NACA: variants seen among roughly 807,000 people sequenced by gnomAD.
NACA encodes nascent polypeptide-associated complex subunit alpha.
A neutral mutation model predicts 86.4 loss-of-function variants in NACA; 42 were observed. The observed-to-expected ratio is 0.49, with a 90% confidence interval of 0.38 to 0.63. NACA has a LOEUF of 0.63. Among genes scored for constraint, NACA ranks in the 20% least tolerant of loss-of-function variants. The pLI is 0.00. For synonymous variants in NACA, 898 were observed against 973.7 expected (o/e 0.92, Z 1.45); for missense variants, 2,157 against 2,483.6 (o/e 0.87, Z 2.80).
Position 56,719,363 on chromosome 12 carries a change from T to C in NACA, c.2167A>G (p.Thr723Ala). The change falls in exon 3 of 9, where the codon ACC becomes GCC. Residue 723 changes from threonine to alanine, a missense_variant. By Grantham distance (58) the Thr-to-Ala change is moderately conservative (BLOSUM62 0). Transcript: ENST00000454682. The stretch of plus-strand genomic sequence containing the variant: ...GGGATTTCAGGGGCCAGCACTAAGG[T>C]AGCCAGAGGAGCACAGGTATTCTGG... Reference protein sequence around the residue: ...SPQNTCAPLATLVLAPEIPKS... With the variant: ...SPQNTCAPLAALVLAPEIPKS... 2 of 1,609,964 alleles carry C rather than the reference T, an allele frequency of 1.2e-6. No individual in the cohort carries two copies. Among genetic ancestry groups the C allele is most frequent in the Non-Finnish European group, 1.7e-6 (2 of 1,178,052 alleles).
intron 7 of NACA, 31 bp downstream of exon 7, chr12:56,713,031 G>A: frequency 6.2e-7 from 1 of 1,613,346 alleles, no homozygotes; most frequent in Non-Finnish European, 8.5e-7. Flanking sequence ...TATACGGCGA[G>A]AGTTAAATTA....
intron 7 of NACA, 25 bp downstream of exon 7, chr12:56,713,037 A>C: frequency 6.2e-7 from 1 of 1,613,688 alleles, no homozygotes; most frequent in Non-Finnish European, 8.5e-7. Context: ...GCGAGAGTTA[A>C]ATTATGAAAG....
chr12:56,724,636 G>A lies in NACA; in HGVS notation c.-2-113C>T, dbSNP rs970401017. On this transcript the variant is annotated intron_variant, in intron 1 of 8. Coordinates refer to ENST00000454682, the MANE Select transcript of NACA (RefSeq NM_001365896.1). ...AGGAGGGCTGTTAGAAAAAAATCGT[G>A]AGGGTGTTTGGTGACAACCTTCCCC... 4 of 1,183,902 alleles carry A rather than the reference G, an allele frequency of 3.4e-6. No individual in the cohort carries two copies. In the African/African-American group the frequency reaches 6.2e-5, roughly 18 times the overall value. 73.3% of individuals were successfully genotyped at this position (1,183,902 alleles called of 1,614,324 possible). A position where few individuals can be genotyped will look rare whatever the true frequency, so the allele number is the denominator to read the frequency against.
Position 56,719,502 on chromosome 12 carries a change from A to G in NACA, c.2028T>C (p.Phe676=). Residue 676 remains phenylalanine (F), a synonymous_variant, in exon 3 of 9, where the codon TTT becomes TTC. Coordinates refer to ENST00000454682, the MANE Select transcript of NACA (RefSeq NM_001365896.1). Reference sequence around the variant, plus strand: ...GAGCTAAAGAGACAGTTCCTTCTAGAAAAGGGCTGGCTGTAGTTGTATAAG... The same window carrying G: ...GAGCTAAAGAGACAGTTCCTTCTAGGAAAGGGCTGGCTGTAGTTGTATAAG... ...TSTYTTTASP[F]LEGTVSLAPK... is the part of the protein sequence containing the mutation. The G allele has an allele frequency of 2.5e-6, 4 of 1,613,940 alleles. No individual in the cohort carries two copies. The South Asian group carries it at 3.3e-5, about 13-fold the overall frequency.
Position 56,717,312 on chromosome 12 carries a change from T to C in NACA, c.4218A>G (p.Ala1406=). 7.5e-7 allele frequency: 1 copy of C among 1,340,440 alleles called. No individual in the cohort carries two copies. Among genetic ancestry groups the C allele is most frequent in the South Asian group, 1.4e-5 (1 of 73,334 alleles). 83.0% of individuals were successfully genotyped at this position (1,340,440 alleles called of 1,614,324 possible). ...PSPKGDPTSP[A]VIPLSPKKAP... is the part of the protein sequence containing the mutation. ...CCTTTTTGGGGGAGAGAGGAATCAC[T>C]GCTGGGGAAGTGGGGTCCCCTTTGG... The change falls in exon 3 of 9, where the codon GCA becomes GCG. Residue 1406 remains alanine, a synonymous_variant. Coordinates refer to ENST00000454682, the MANE Select transcript of NACA (RefSeq NM_001365896.1).
rs992579673 is a variant in NACA at position 56,716,789 on chromosome 12, T to C, written c.4741A>G (p.Ser1581Gly). The C allele has an allele frequency of 3.2e-6, 4 of 1,244,888 alleles. No homozygotes were observed. The African/African-American group carries it at 7.5e-5, about 23-fold the overall frequency. The allele number at this position is 1,244,888 out of a possible 1,614,324, so 77.1% of individuals were successfully genotyped here. ...GTGGAAGGAGTCACTGCTGGGGGAC[T>C]GGAGGCCTCTTTGGAGGATGGGGTA... is the stretch of plus-strand genomic sequence containing the variant. ...PATPSSKEAS[S>G]PPAVTPSTYK... is the part of the protein sequence containing the mutation. The change falls in exon 3 of 9, where the codon AGT (serine) becomes GGT (glycine). Residue 1581 changes from serine to glycine, a missense_variant. Physicochemically the swap from Ser to Gly is moderately conservative, Grantham distance 56. This residue lies in a region of NACA where 797 missense variants were observed against 777.6 expected (regional missense o/e 1.02). Coordinates refer to ENST00000454682, the MANE Select transcript of NACA (RefSeq NM_001365896.1).
At chr12:56,714,824 T>G in intron 3 of NACA, 137 bp from the exon 4 acceptor site, 2 of 764,088 alleles carry the variant, frequency 2.6e-6, no homozygotes, top group Non-Finnish European at 2.2e-6. Context: ...CTGGCTTGTG[T>G]GAAGTCAGCT....
intron 6 of NACA, 64 bp downstream of exon 6, chr12:56,713,473 A>G (rs1953269651): frequency 6.4e-7 from 1 of 1,562,702 alleles, no homozygotes; most frequent in Non-Finnish European, 8.7e-7. Context: ...CTGACGCAAA[A>G]TGTCAGCAGT....
intron 6 of NACA, 158 bp downstream of exon 6, chr12:56,713,379 G>T (rs1301785293): frequency 8.3e-7 from 1 of 1,210,136 alleles, no homozygotes; most frequent in Non-Finnish European, 1.1e-6. Context: ...GGGTAGTTAG[G>T]TCTCCCAGGA....
chr12:56,719,837 C>T lies in NACA; in HGVS notation c.1693G>A (p.Ala565Thr). 1.9e-6 allele frequency: 3 copies of T among 1,613,396 alleles called. No individual in the cohort carries two copies. In the South Asian group the frequency reaches 3.3e-5, roughly 18 times the overall value. Residue 565 changes from alanine to threonine, a missense_variant, in exon 3 of 9, where the codon GCA becomes ACA. Transcript: ENST00000454682. ...AAAGAAGGGGAATTTTTAGGGGCTGCCTGGACTAACGGTAATACAGTAGGG... is the reference window on the plus strand; with the variant it reads ...AAAGAAGGGGAATTTTTAGGGGCTGTCTGGACTAACGGTAATACAGTAGGG... ...KDPTVLPLVQ[A>T]APKNSPSFQS...
chr12:56,715,220 T>G (rs1953319236), intron 3 of NACA, among the ~76,000 whole-genome samples: 1 of 152,174 alleles, frequency 6.6e-6, no homozygotes, highest in Non-Finnish European at 1.5e-5. Context: ...ACCCCAGCAA[T>G]GTGATCTAAT....
At chr12:56,712,931 C>T (rs1446662813) in intron 7 of NACA, 23 bp from the exon 8 acceptor site, 1 of 1,613,864 alleles carries the variant, frequency 6.2e-7, no homozygotes, top group Non-Finnish European at 8.5e-7. Flanking sequence ...AGGGAAAAAG[C>T]AGTAAATTAA....
In NACA at chr12:56,721,388, GA is replaced by G. The variant is rs755984362; in HGVS notation, c.141del (p.Pro48LeufsTer31). ...ALGQPGPTLP[P>X]PCSPAPQQCP... The stretch of plus-strand genomic sequence containing the variant: ...CACTGTTGTGGGGCAGGAGAGCAAG[GA>G]GGGGGGAGGGTAGGTCCAGGCTGCC... On this transcript the variant is annotated frameshift_variant, in exon 3 of 9. Transcript: ENST00000454682. LOFTEE classifies it high-confidence loss of function. The G allele has an allele frequency of 6.4e-7, 1 of 1,574,208 alleles. No homozygotes were observed. The highest frequency in any genetic ancestry group is 1.2e-5 in the South Asian group (1 of 85,508).
rs1953567516 is a variant in NACA, at chr12:56,721,250, C to G, written c.280G>C (p.Gly94Arg). The change falls in exon 3 of 9, where the codon GGA (glycine) becomes CGA (arginine). Residue 94 changes from glycine to arginine, a missense_variant. Coordinates refer to ENST00000454682, the MANE Select transcript of NACA (RefSeq NM_001365896.1). ...AAGGTTGGGGCTTCAGGGGCAGTTC[C>G]CAAAGGTAGGGCTGTTCCAGAGGAT... ...QSSSGTALPL[G>R]TAPEAPTFLP... The G allele has an allele frequency of 6.2e-7, 1 of 1,613,512 alleles. No individual in the cohort carries two copies. Among genetic ancestry groups the G allele is most frequent in the South Asian group, 1.1e-5 (1 of 91,048 alleles).
Position 56,719,637 on chromosome 12 carries a change from A to G in NACA, c.1893T>C (p.Ser631=), listed in dbSNP as rs1953514167. Residue 631 remains serine, a synonymous_variant, in exon 3 of 9, where the codon TCT becomes TCC. Transcript: ENST00000454682. ...GAGAACTTTTGAGAAGCGGACCAGC[A>G]GAGTCTGGGCCTGCATAAGAATCTG... ...IKTDSYAGPD[S]AGPLLKSSLI... 1.9e-5 allele frequency: 30 copies of G among 1,613,770 alleles called. No homozygotes were observed. Among genetic ancestry groups the G allele is most frequent in the Non-Finnish European group, 2.3e-5 (27 of 1,179,810 alleles).
Position 56,720,594 on chromosome 12 carries a change from T to G in NACA, c.936A>C (p.Leu312Phe). 2 of 1,613,902 alleles carry G rather than the reference T, an allele frequency of 1.2e-6. No homozygotes were observed. The highest frequency in any genetic ancestry group is 1.7e-6 in the Non-Finnish European group (2 of 1,179,880). The change falls in exon 3 of 9, where the codon TTA becomes TTC. Residue 312 changes from leucine to phenylalanine, a missense_variant. Leu to Phe is a conservative substitution (Grantham distance 22). Around this residue, in one of 8 missense-constraint regions of NACA, gnomAD observed 947 missense variants for 917.9 expected, o/e 1.03. Coordinates refer to ENST00000454682, the MANE Select transcript of NACA (RefSeq NM_001365896.1). ...GGACAGAACCAAAAGAACTCTGATG[T>G]AAAGGTGCAAGATGAGAGCCCAGAG... ...PISLGSHLAP[L>F]HQSSFGSVQL...
intron 2 of NACA, among the ~76,000 whole-genome samples, chr12:56,721,999 A>G (rs934792258): frequency 2.6e-5 from 4 of 152,238 alleles, no homozygotes; most frequent in Non-Finnish European, 4.4e-5. Flanking sequence ...TCTGAACTGA[A>G]TAAGAAAACA....
At position 56,717,212 on chromosome 12, in the gene NACA, G is replaced by C. The variant is rs375605609; in HGVS notation, c.4318C>G (p.Pro1440Ala). The C allele has an allele frequency of 4.3e-5, 56 of 1,303,224 alleles. No individual in the cohort carries two copies. In the East Asian group the frequency reaches 8.1e-4, roughly 19 times the overall value. 80.7% of individuals were successfully genotyped at this position (1,303,224 alleles called of 1,614,324 possible). A position where few individuals can be genotyped will look rare whatever the true frequency, so the allele number is the denominator to read the frequency against. ...GCTGGGGCCTTTTTGAGGGAGACAG[G>C]AGTCACTGCTGGGGGAGTGAGATCT... is the stretch of plus-strand genomic sequence containing the variant. ...KGDLTPPAVT[P>A]VSLKKAPATS... is the part of the protein sequence containing the mutation. Residue 1440 changes from proline to alanine, a missense_variant, in exon 3 of 9, where the codon CCT becomes GCT. Around this residue, in one of 8 missense-constraint regions of NACA, gnomAD observed 797 missense variants for 777.6 expected, o/e 1.02. Transcript: ENST00000454682.
At position 56,717,479 on chromosome 12, in the gene NACA, C is replaced by A. The variant is rs1953409201; in HGVS notation, c.4051G>T (p.Ala1351Ser). ...CCTCCTTTAGAGGAGGGAGTTGTAG[C>A]TGGGAGAGTAGGGGTCCCTTTAGGG... ...PSPKGTPTLP[A>S]TTPSSKGGPT... Residue 1351 changes from alanine (A) to serine (S), a missense_variant, in exon 3 of 9, where the codon GCT becomes TCT. Around this residue, in one of 8 missense-constraint regions of NACA, gnomAD observed 797 missense variants for 777.6 expected, o/e 1.02. Transcript: ENST00000454682. The A allele has an allele frequency of 7.6e-7, 1 of 1,317,514 alleles. No individual in the cohort carries two copies. Among genetic ancestry groups the A allele is most frequent in the African/African-American group, 1.6e-5 (1 of 61,100 alleles). 81.6% of individuals were successfully genotyped at this position (1,317,514 alleles called of 1,614,324 possible). A position where few individuals can be genotyped will look rare whatever the true frequency, so the allele number is the denominator to read the frequency against.
Sources: gnomAD v4.1 joint callset for allele counts (sites outside exome capture counted in the v4.1 genomes callset) on GRCh38, gnomAD v4.1.1 for gene constraint, gnomAD v4.1.1 regional missense constraint, MANE v1.5 for transcripts, NCBI Gene and HGNC (gene_info 2026-07-23, HGNC 2026-07-21) for gene names.